The following DCHS2 variants were observed in gnomAD, a reference collection of about 807,000 sequenced individuals.
DCHS2 encodes dachsous cadherin-related 2, also known as protocadherin-23.
A neutral mutation model predicts 182.4 loss-of-function variants in DCHS2; 142 were observed. The ratio of observed to expected loss-of-function variants is 0.78; its 90% CI spans 0.68 to 0.89. The LOEUF is 0.89. Among genes scored for constraint, DCHS2 ranks in the 40% least tolerant of loss-of-function variants. DCHS2 has a pLI of 0.00. For missense variants in DCHS2, 4,319 were observed against 4,198.6 expected (o/e 1.03, Z -0.79); for synonymous variants, 1,740 against 1,663.3 (o/e 1.05, Z -1.12).
chr4:154,319,560 GGT>G (rs1039273854), intron 9 of DCHS2, among the ~76,000 whole-genome samples: 6 of 149,394 alleles, frequency 4.0e-5, no homozygotes, highest in African/African-American at 1.5e-4. Flanking sequence ...ATGGCTAACA[GGT>G]ATATGAAAAA....
chr4:154,353,314 A>T (rs1371422690), intron 3 of DCHS2, among the ~76,000 whole-genome samples: 1 of 152,180 alleles, frequency 6.6e-6, no homozygotes, highest in Non-Finnish European at 1.5e-5. Context: ...ACACACAAAA[A>T]ATCAGGAAAT....
intron 10 of DCHS2, among the ~76,000 whole-genome samples, chr4:154,307,699 A>T (rs1735502740): frequency 6.6e-6 from 1 of 152,252 alleles, no homozygotes; most frequent in Non-Finnish European, 1.5e-5. Flanking sequence ...AATATCCAAC[A>T]GATGGCTGGG....
intron 1 of DCHS2, among the ~76,000 whole-genome samples, chr4:154,446,450 C>A (rs1734288253): frequency 6.6e-6 from 1 of 152,116 alleles, no homozygotes; most frequent in Non-Finnish European, 1.5e-5. Flanking sequence ...AGATTATAGT[C>A]TTGAAAGAAT....
At position 154,255,503 on chromosome 4, in the gene DCHS2, T is replaced by C. The variant is rs1732614885; in HGVS notation, c.6941+16A>G. The C allele has an allele frequency of 1.2e-5, 20 of 1,611,054 alleles. No homozygotes were observed. Among genetic ancestry groups the C allele is most frequent in the Non-Finnish European group, 1.7e-5 (20 of 1,178,634 alleles). ...GCAGAATAAATGGAGCCAATGGATC[T>C]GAACCCTGGACCAACCTGTAGGAGC... is the stretch of plus-strand genomic sequence containing the variant. On this transcript the variant is annotated intron_variant, in intron 16 of 19. Transcript: ENST00000357232.
chr4:154,461,107 G>A (rs1351807681), intron 1 of DCHS2, among the ~76,000 whole-genome samples: 1 of 152,160 alleles, frequency 6.6e-6, no homozygotes, highest in East Asian at 1.9e-4. Flanking sequence ...GCCTTAGGAA[G>A]CCCCAAAGAG....
At chr4:154,445,271 G>C (rs1407172402) in intron 1 of DCHS2, among the ~76,000 whole-genome samples, 1 of 152,164 alleles carries the variant, frequency 6.6e-6, no homozygotes, top group Non-Finnish European at 1.5e-5. Context: ...AATATTTCCT[G>C]AATGAATTAA....
At chr4:154,368,996 AT>A (rs960090456) in intron 2 of DCHS2, among the ~76,000 whole-genome samples, 78 of 152,160 alleles carry the variant, frequency 5.1e-4, no homozygotes, top group Middle Eastern at 3.2e-3. Context: ...CTTAATATAT[AT>A]TTTTTATCTG....
In DCHS2 at chr4:154,332,679, CTGTAGTGCTCACATTT is replaced by C; in HGVS notation, c.3513_3528del (p.Asn1172SerfsTer22). The C allele has an allele frequency of 6.2e-7, 1 of 1,614,244 alleles. No individual in the cohort carries two copies. Among genetic ancestry groups the C allele is most frequent in the Non-Finnish European group, 8.5e-7 (1 of 1,180,030 alleles). Reference sequence around the variant, plus strand: ...TTCTCATCCCAGACACGAACAATGACTGTAGTGCTCACATTTTGCAAGAATCCGTCCTCGGGGATCC... The same window carrying C: ...TTCTCATCCCAGACACGAACAATGACTGCAAGAATCCGTCCTCGGGGATCC... On this transcript the variant is annotated frameshift_variant, in exon 5 of 20. Transcript: ENST00000357232. LOFTEE classifies it high-confidence loss of function.
chr4:154,452,813 A>C (rs1734593136), intron 1 of DCHS2, among the ~76,000 whole-genome samples: 1 of 152,208 alleles, frequency 6.6e-6, no homozygotes, highest in Non-Finnish European at 1.5e-5. Context: ...TTTGTTACTT[A>C]TTACAAATTG....
At chr4:154,237,766 A>G (rs548378727) in intron 19 of DCHS2, among the ~76,000 whole-genome samples, 35 of 152,192 alleles carry the variant, frequency 2.3e-4, no homozygotes, top group Admixed American at 9.2e-4. Flanking sequence ...CATTTTTAAG[A>G]TAAATATGTC....
chr4:154,418,453 C>T (rs1401829249), intron 1 of DCHS2, among the ~76,000 whole-genome samples: 1 of 152,152 alleles, frequency 6.6e-6, no homozygotes, highest in Non-Finnish European at 1.5e-5. Context: ...TCCTCTTCCA[C>T]CATTTAGAAA....
chr4:154,318,227 C>T (rs554128673), intron 9 of DCHS2, among the ~76,000 whole-genome samples: 11 of 150,476 alleles, frequency 7.3e-5, no homozygotes, highest in Admixed American at 4.0e-4. Context: ...CGTATATATA[C>T]GTTATATAAG....
chr4:154,319,999 T>G (rs1434925170), intron 9 of DCHS2, among the ~76,000 whole-genome samples: 1 of 152,058 alleles, frequency 6.6e-6, no homozygotes, highest in Non-Finnish European at 1.5e-5. Flanking sequence ...TTGAAGACAA[T>G]TCAGCCTTAA....
intron 3 of DCHS2, among the ~76,000 whole-genome samples, chr4:154,341,576 GCATACATTCATATATATACA>G (rs66798661): frequency 0.31 from 47,565 of 151,560 alleles, 9,100 homozygotes; most frequent in Non-Finnish European, 0.43. Context: ...GTATCGTAAT[GCATACATTCATATATATACA>G]CATACATTCA....
At chr4:154,354,246 C>T (rs1211559746) in intron 3 of DCHS2, among the ~76,000 whole-genome samples, 1 of 152,180 alleles carries the variant, frequency 6.6e-6, no homozygotes, top group Non-Finnish European at 1.5e-5. Context: ...TTAATGTATT[C>T]TTTCTTTCAA....
intron 1 of DCHS2, among the ~76,000 whole-genome samples, chr4:154,446,339 A>T (rs1466866778): frequency 6.6e-6 from 1 of 152,208 alleles, no homozygotes; most frequent in Non-Finnish European, 1.5e-5. Context: ...TTAAATATAC[A>T]CTAAAGTTAT....
At chr4:154,310,795 A>G (rs186866074) in intron 10 of DCHS2, among the ~76,000 whole-genome samples, 3 of 152,340 alleles carry the variant, frequency 2.0e-5, no homozygotes, top group Admixed American at 2.0e-4. Context: ...TATTATGATG[A>G]CATCATGATA....
chr4:154,342,697 A>T (rs1185974536), intron 3 of DCHS2, among the ~76,000 whole-genome samples: 1 of 152,136 alleles, frequency 6.6e-6, no homozygotes, highest in Admixed American at 6.5e-5. Context: ...CTCCACTTCT[A>T]ATTCTATGTC....
chr4:154,277,666 G>A, intron 13 of DCHS2, among the ~76,000 whole-genome samples: 1 of 147,834 alleles, frequency 6.8e-6, no homozygotes, highest in Non-Finnish European at 1.5e-5. Context: ...GGAATATGGA[G>A]AAACAAAAAA....
Sources: gnomAD v4.1 joint callset for allele counts (sites outside exome capture counted in the v4.1 genomes callset) on GRCh38, gnomAD v4.1.1 for gene constraint, MANE v1.5 for transcripts, NCBI Gene and HGNC (gene_info 2026-07-23, HGNC 2026-07-21) for gene names.